MYO6: variants seen among roughly 807,000 people sequenced by gnomAD.
MYO6 encodes the protein myosin VI.
Under a neutral mutation model 178.7 loss-of-function variants are expected in MYO6, and 74 were observed. The ratio of observed to expected loss-of-function variants is 0.41; its 90% CI spans 0.34 to 0.50. The LOEUF is 0.50. MYO6 is among the 20% of genes least tolerant of loss of function. The pLI, the probability that MYO6 is intolerant of heterozygous loss-of-function variation, is 0.09. For synonymous variants in MYO6, 477 were observed against 504.6 expected, an observed-to-expected ratio of 0.95 and a Z score of 0.73; for missense variants, 1,330 against 1,547.4, an observed-to-expected ratio of 0.86 and a Z score of 2.36.
intron 1 of MYO6, among the ~76,000 whole-genome samples, chr6:75,780,646 A>C (rs960013600): frequency 5.9e-5 from 9 of 152,092 alleles, no homozygotes; most frequent in Non-Finnish European, 1.5e-5. Flanking sequence ...ACATAGAGCT[A>C]TGTTTAGCCA....
chr6:75,753,571 C>G (rs1436985857), intron 1 of MYO6, among the ~76,000 whole-genome samples: 1 of 151,854 alleles, frequency 6.6e-6, no homozygotes, highest in African/African-American at 2.4e-5. Context: ...AAGTGACACT[C>G]CCACCTCAGT....
In MYO6 at chr6:75,806,501, G is replaced by A. The variant is rs745924463; in HGVS notation, c.-47-11000G>A. Among the ~76,000 whole-genome samples, 14 of 152,186 alleles carry A rather than the reference G, an allele frequency of 9.2e-5. 1 individual carries two copies. The South Asian group carries it at 1.7e-3, about 18-fold the overall frequency. On this transcript the variant is annotated intron_variant, in intron 1 of 34. Transcript: ENST00000369977. ...CATGTTCAGATTGTTGGGAACAAGC[G>A]CCCCAAAATCTGGCCATAAACTGGC...
At chr6:75,799,887 G>C (rs1769269644) in intron 1 of MYO6, among the ~76,000 whole-genome samples, 1 of 151,868 alleles carries the variant, frequency 6.6e-6, no homozygotes, top group Non-Finnish European at 1.5e-5. Context: ...TGAGTACCTG[G>C]GATATTATCA....
intron 3 of MYO6, among the ~76,000 whole-genome samples, chr6:75,828,071 T>A (rs1463210341): frequency 1.3e-5 from 2 of 152,246 alleles, no homozygotes; most frequent in East Asian, 3.9e-4. Context: ...TCTCTAGGAG[T>A]CTTCATTATG....
chr6:75,914,959 A>C lies in MYO6; in HGVS notation c.3805A>C (p.Arg1269=). Reference sequence around the variant, plus strand: ...GTACCTTCAGAATGCGATTGAGAGCAGACAGGCTCGGCCCACCTATGCAAC... The same window carrying C: ...GTACCTTCAGAATGCGATTGAGAGCCGACAGGCTCGGCCCACCTATGCAAC... ...IQYLQNAIES[R]QARPTYATAM... Residue 1269 remains arginine, a synonymous_variant, in exon 35 of 35, where the codon AGA becomes CGA. Coordinates refer to ENST00000369977, the MANE Select transcript of MYO6 (RefSeq NM_004999.4). The C allele has an allele frequency of 6.2e-7, 1 of 1,614,042 alleles. No individual in the cohort carries two copies. Among genetic ancestry groups the C allele is most frequent in the Non-Finnish European group, 8.5e-7 (1 of 1,180,020 alleles).
At chr6:75,905,474 C>T (rs368672712) in intron 30 of MYO6, among the ~76,000 whole-genome samples, 14 of 152,354 alleles carry the variant, frequency 9.2e-5, no homozygotes, top group African/African-American at 3.1e-4. Flanking sequence ...GGAAGTGACC[C>T]AATTTTCCAG....
intron 31 of MYO6, 104 bp downstream of exon 31, chr6:75,907,812 G>A (rs1780454349): frequency 7.5e-6 from 6 of 800,842 alleles, no homozygotes; most frequent in Non-Finnish European, 1.3e-5. Context: ...GTGTGTGTGT[G>A]TGTGTATGTG....
Position 75,886,964 on chromosome 6 carries a change from T to C in MYO6, c.2628T>C (p.Ile876=). The stretch of plus-strand genomic sequence containing the variant: ...ATAAACAGATCAAGAATCTGGAAAT[T>C]TCTATTGATACTTTGATGGCCAAAA... The part of the protein sequence containing the change: ...EMNKQIKNLE[I]SIDTLMAKIK... The change falls in exon 25 of 35, where the codon ATT becomes ATC. Residue 876 remains isoleucine, a synonymous_variant. Coordinates refer to ENST00000369977, the MANE Select transcript of MYO6 (RefSeq NM_004999.4). 1 of 1,613,746 alleles carries C rather than the reference T, an allele frequency of 6.2e-7. No individual in the cohort carries two copies. The highest frequency in any genetic ancestry group is 8.5e-7 in the Non-Finnish European group (1 of 1,179,832).
At chr6:75,751,185 A>G (rs1776862798) in intron 1 of MYO6, among the ~76,000 whole-genome samples, 1 of 152,194 alleles carries the variant, frequency 6.6e-6, no homozygotes, top group Non-Finnish European at 1.5e-5. Context: ...TTTTATATAT[A>G]CAGCTCATTT....
At chr6:75,754,518 T>C (rs373995811) in intron 1 of MYO6, among the ~76,000 whole-genome samples, 1 of 6,178 alleles carries the variant, frequency 1.6e-4, no homozygotes, top group Non-Finnish European at 2.6e-3. Context: ...AGACTCCGTC[T>C]CAAAAAAAAA....
At chr6:75,778,369 C>T (rs1381512424) in intron 1 of MYO6, among the ~76,000 whole-genome samples, 2 of 150,338 alleles carry the variant, frequency 1.3e-5, no homozygotes, top group Non-Finnish European at 3.0e-5. Flanking sequence ...CCGAGGCAGG[C>T]GGATCATGAG....
At chr6:75,872,598 C>T (rs1388170159) in intron 19 of MYO6, among the ~76,000 whole-genome samples, 3 of 152,070 alleles carry the variant, frequency 2.0e-5, no homozygotes, top group Non-Finnish European at 4.4e-5. Flanking sequence ...TGTACATCAG[C>T]CTGCAAAGTG....
At chr6:75,782,116 G>C (rs139465217) in intron 1 of MYO6, among the ~76,000 whole-genome samples, 1 of 152,020 alleles carries the variant, frequency 6.6e-6, no homozygotes, top group African/African-American at 2.4e-5. Context: ...GGGATGGGTT[G>C]CTCAGTTCTC....
intron 30 of MYO6, among the ~76,000 whole-genome samples, chr6:75,902,343 T>A (rs1204916464): frequency 1.3e-5 from 2 of 152,228 alleles, no homozygotes; most frequent in Non-Finnish European, 2.9e-5. Flanking sequence ...CGGCTGTGAA[T>A]CCATCTGGTC....
At chr6:75,872,608 GTGT>G (rs1441763489) in intron 19 of MYO6, among the ~76,000 whole-genome samples, 3 of 152,110 alleles carry the variant, frequency 2.0e-5, no homozygotes, top group South Asian at 4.2e-4. Context: ...CCTGCAAAGT[GTGT>G]TGTTTAAATA....
In MYO6 at chr6:75,787,686, C is replaced by A. The variant is rs1767723905; in HGVS notation, c.-47-29815C>A. On this transcript the variant is annotated intron_variant, in intron 1 of 34. Transcript: ENST00000369977. The stretch of plus-strand genomic sequence containing the variant: ...GGGGGAATGGAACTATTCTCTCTCT[C>A]TCTCTCTCTCTCTCTCTCTCTCTCT... 2.3e-3 allele frequency among the ~76,000 whole-genome samples: 40 copies of A among 17,178 alleles called. No individual in the cohort carries two copies. In the East Asian group the frequency reaches 0.027, roughly 11 times the overall value. The allele number at this position is 17,178 out of a possible 152,430, so 11.3% of individuals were successfully genotyped here. A position where few individuals can be genotyped will look rare whatever the true frequency, so the allele number is the denominator to read the frequency against.
intron 1 of MYO6, among the ~76,000 whole-genome samples, chr6:75,775,947 C>T (rs761837296): frequency 1.3e-5 from 2 of 152,056 alleles, no homozygotes; most frequent in Non-Finnish European, 2.9e-5. Context: ...GAATGTGTAG[C>T]GTATCATTTC....
chr6:75,811,531 G>T (rs1770699601), intron 1 of MYO6, among the ~76,000 whole-genome samples: 1 of 152,140 alleles, frequency 6.6e-6, no homozygotes, highest in African/African-American at 2.4e-5. Flanking sequence ...ACCTTAACTG[G>T]GAAGTCATAG....
chr6:75,901,054 C>T (rs983078883), intron 30 of MYO6, among the ~76,000 whole-genome samples: 75 of 152,072 alleles, frequency 4.9e-4, no homozygotes, highest in Middle Eastern at 3.4e-3. Flanking sequence ...AGATATATGG[C>T]GTTATTTCTG....
Sources: gnomAD v4.1 joint callset for allele counts (sites outside exome capture counted in the v4.1 genomes callset) on GRCh38, gnomAD v4.1.1 for gene constraint, MANE v1.5 for transcripts, NCBI Gene and HGNC (gene_info 2026-07-23, HGNC 2026-07-21) for gene names.